SGMS1: variants seen among roughly 807,000 people sequenced by gnomAD.
SGMS1 encodes phosphatidylcholine:ceramide cholinephosphotransferase 1.
A neutral mutation model predicts 46.2 loss-of-function variants in SGMS1; 13 were observed. The observed-to-expected ratio is 0.28, with a 90% confidence interval of 0.18 to 0.45. The LOEUF (loss-of-function observed/expected upper bound fraction) is 0.45. SGMS1 is among the 20% of genes least tolerant of loss of function. The pLI is 1.00. For missense variants in SGMS1, 324 were observed against 519.9 expected (o/e 0.62, Z 3.66); for synonymous variants, 203 against 187.8 (o/e 1.08, Z -0.66).
intron 1 of SGMS1, among the ~76,000 whole-genome samples, chr10:50,599,243 C>T (rs1052337994): frequency 6.6e-6 from 1 of 152,174 alleles, no homozygotes; most frequent in Non-Finnish European, 1.5e-5. Context: ...AACAAAAAAG[C>T]TCCCATCAAA....
At chr10:50,402,823 C>T (rs976812507) in intron 6 of SGMS1, among the ~76,000 whole-genome samples, 4 of 151,714 alleles carry the variant, frequency 2.6e-5, no homozygotes, top group African/African-American at 9.7e-5. Flanking sequence ...GGGATATTAG[C>T]GTACCTGTCA....
At chr10:50,553,041 T>C (rs1838161549) in intron 2 of SGMS1, among the ~76,000 whole-genome samples, 1 of 152,168 alleles carries the variant, frequency 6.6e-6, no homozygotes, top group African/African-American at 2.4e-5. Flanking sequence ...GTCACCACAT[T>C]TGTGGTCATT....
At chr10:50,323,022 C>G (rs1166656511) in intron 8 of SGMS1, among the ~76,000 whole-genome samples, 2 of 152,132 alleles carry the variant, frequency 1.3e-5, no homozygotes, top group Non-Finnish European at 2.9e-5. Context: ...AATCTAGAAA[C>G]TGAACACATC....
At chr10:50,520,377 A>C (rs1837846923) in intron 2 of SGMS1, among the ~76,000 whole-genome samples, 1 of 148,624 alleles carries the variant, frequency 6.7e-6, no homozygotes, top group Non-Finnish European at 1.5e-5. Context: ...GCAAGACCCC[A>C]TCTCAAAAAA....
intron 6 of SGMS1, among the ~76,000 whole-genome samples, chr10:50,413,578 G>T (rs10825934): frequency 0.17 from 25,189 of 152,174 alleles, 2,569 homozygotes; most frequent in East Asian, 0.26. Context: ...CCTCTGTCCT[G>T]TGCACTGTAG....
At chr10:50,585,596 G>A (rs910985316) in intron 2 of SGMS1, among the ~76,000 whole-genome samples, 2 of 152,172 alleles carry the variant, frequency 1.3e-5, no homozygotes, top group Non-Finnish European at 2.9e-5. Context: ...ACGGAAATGC[G>A]CTACCTGCAT....
intron 6 of SGMS1, among the ~76,000 whole-genome samples, chr10:50,372,641 C>T (rs1031808519): frequency 6.6e-6 from 1 of 151,820 alleles, no homozygotes; most frequent in African/African-American, 2.4e-5. Context: ...TGCAGTGAGC[C>T]CAGATCATGC....
chr10:50,359,575 T>G (rs991319631), intron 6 of SGMS1, among the ~76,000 whole-genome samples: 2 of 151,998 alleles, frequency 1.3e-5, no homozygotes, highest in African/African-American at 4.8e-5. Flanking sequence ...ACCAGCAACA[T>G]CAGCTAATTC....
chr10:50,337,806 C>A (rs1847739511), intron 7 of SGMS1, among the ~76,000 whole-genome samples: 2 of 150,542 alleles, frequency 1.3e-5, no homozygotes. Context: ...TAGAAATAAT[C>A]TCTTATGTTG....
intron 2 of SGMS1, among the ~76,000 whole-genome samples, chr10:50,585,912 A>T (rs1210288672): frequency 6.6e-6 from 1 of 152,206 alleles, no homozygotes; most frequent in Non-Finnish European, 1.5e-5. Context: ...ATGACTACAG[A>T]GGTTATGATT....
intron 1 of SGMS1, among the ~76,000 whole-genome samples, chr10:50,591,148 C>T (rs1411044092): frequency 6.6e-6 from 1 of 152,174 alleles, no homozygotes; most frequent in East Asian, 1.9e-4. Flanking sequence ...TCTGTTTTGG[C>T]ATTACCCATC....
intron 2 of SGMS1, among the ~76,000 whole-genome samples, chr10:50,546,653 A>T (rs1336788742): frequency 1.3e-5 from 2 of 152,150 alleles, no homozygotes; most frequent in Non-Finnish European, 2.9e-5. Context: ...GTTCTCACTC[A>T]TAGGTGGAAT....
chr10:50,504,524 G>A (rs1373107043), intron 3 of SGMS1, among the ~76,000 whole-genome samples: 1 of 152,144 alleles, frequency 6.6e-6, no homozygotes, highest in African/African-American at 2.4e-5. Context: ...AAGAAGTTAA[G>A]TAATTGTGCA....
chr10:50,523,182 C>T (rs1837871242), intron 2 of SGMS1, among the ~76,000 whole-genome samples: 1 of 152,130 alleles, frequency 6.6e-6, no homozygotes, highest in Admixed American at 6.5e-5. Flanking sequence ...AGTTGTTTAC[C>T]TTAGGAGGCA....
rs549662131 is a variant in SGMS1 at position 50,510,717 on chromosome 10, C to T, written c.-498+9114G>A. 3.0e-3 allele frequency among the ~76,000 whole-genome samples: 453 copies of T among 152,030 alleles called. 3 individuals carry two copies. Among genetic ancestry groups the T allele is most frequent in the Admixed American group, 7.5e-3 (114 of 15,270 alleles). On this transcript the variant is annotated intron_variant, in intron 3 of 10. Transcript: ENST00000361781. ...TCACCCAGCTTCTCCCCATATCTTA[C>T]GTAATAACTATACAATTATCAAAGC...
intron 3 of SGMS1, among the ~76,000 whole-genome samples, chr10:50,487,376 T>C (rs1330558137): frequency 6.6e-6 from 1 of 152,134 alleles, no homozygotes; most frequent in African/African-American, 2.4e-5. Context: ...AAATAGCTAA[T>C]GCATGCTGGG....
intron 5 of SGMS1, among the ~76,000 whole-genome samples, chr10:50,454,653 C>T (rs1353941009): frequency 6.6e-6 from 1 of 152,186 alleles, no homozygotes; most frequent in African/African-American, 2.4e-5. Context: ...TTATATGCTA[C>T]AGTCCAGCAA....
At chr10:50,573,679 A>C (rs1838355256) in intron 2 of SGMS1, among the ~76,000 whole-genome samples, 1 of 152,232 alleles carries the variant, frequency 6.6e-6, no homozygotes, top group South Asian at 2.1e-4. Context: ...TAAAATTTGT[A>C]TGAAACCACA....
intron 3 of SGMS1, among the ~76,000 whole-genome samples, chr10:50,470,462 C>T (rs1470092460): frequency 6.6e-6 from 1 of 151,622 alleles, no homozygotes; most frequent in African/African-American, 2.4e-5. Flanking sequence ...AACCTTTACT[C>T]TCTCTCACAC....
Sources: allele counts gnomAD v4.1 joint callset (sites outside exome capture counted in the v4.1 genomes callset), GRCh38; gene constraint gnomAD v4.1.1; transcripts MANE v1.5; gene names NCBI Gene and HGNC (gene_info 2026-07-23, HGNC 2026-07-21).